Variants in ZNF518A observed in about 807,000 individuals in gnomAD.
The protein encoded by ZNF518A is zinc finger protein 518.
Under a neutral mutation model 102.7 loss-of-function variants are expected in ZNF518A, and 47 were observed. The ratio of observed to expected loss-of-function variants is 0.46; its 90% CI spans 0.36 to 0.58. ZNF518A has a LOEUF of 0.58. ZNF518A is among the 20% of genes least tolerant of loss of function. ZNF518A has a pLI of 0.00. For synonymous variants in ZNF518A, 652 were observed against 594.6 expected (o/e 1.10, Z -1.40); for missense variants, 1,793 against 1,699.8 (o/e 1.05, Z -0.96).
At chr10:96,183,157 C>A (rs587666078) in intron 1 of ZNF518A, among the ~76,000 whole-genome samples, 1 of 152,022 alleles carries the variant, frequency 6.6e-6, no homozygotes, top group Non-Finnish European at 1.5e-5. Context: ...TCTGTGGGAT[C>A]GGTGGTGATA....
intron 1 of ZNF518A, among the ~76,000 whole-genome samples, chr10:96,201,619 GA>G (rs1554896175): frequency 6.6e-6 from 1 of 152,218 alleles, no homozygotes; most frequent in African/African-American, 2.4e-5. Flanking sequence ...ATTATTTTAA[GA>G]GTGTTAAAGT....
chr10:96,149,138 AT>A (rs1471679591), intron 3 of ZNF518A, among the ~76,000 whole-genome samples: 1 of 152,214 alleles, frequency 6.6e-6, no homozygotes, highest in East Asian at 1.9e-4. Flanking sequence ...ACATGTTTTT[AT>A]TATTAGATTC....
intron 3 of ZNF518A, among the ~76,000 whole-genome samples, chr10:96,141,840 A>G (rs1486373674): frequency 6.6e-6 from 1 of 150,866 alleles, no homozygotes; most frequent in Non-Finnish European, 1.5e-5. Flanking sequence ...CCCAGGTTTA[A>G]GGGATCCTCC....
In ZNF518A at chr10:96,157,463, A is replaced by C. The variant is rs587709834; in HGVS notation, c.1141A>C (p.Asn381His). 6.2e-7 allele frequency: 1 copy of C among 1,613,760 alleles called. No homozygotes were observed. Among genetic ancestry groups the C allele is most frequent in the East Asian group, 2.2e-5 (1 of 44,878 alleles). ...AAAGGATGAAAGACTACACTGTGAG[A>C]ATAATGATAAAGCCCCTGAATCAGA... ...EEKDERLHCE[N>H]NDKAPESESE... Residue 381 changes from asparagine to histidine, a missense_variant, in exon 6 of 6, where the codon AAT (asparagine) becomes CAT (histidine). Asn to His is a moderately conservative substitution (Grantham distance 68). This residue lies in a region of ZNF518A where 1,741 missense variants were observed against 1,622.6 expected (regional missense o/e 1.07). Coordinates refer to ENST00000316045, the MANE Select transcript of ZNF518A (RefSeq NM_001330736.2).
intron 1 of ZNF518A, among the ~76,000 whole-genome samples, chr10:96,132,305 A>T (rs2081378685): frequency 1.3e-5 from 2 of 151,458 alleles, no homozygotes; most frequent in South Asian, 4.2e-4. Flanking sequence ...CCGGATCCAG[A>T]TATTATTTCT....
intron 1 of ZNF518A, chr10:96,190,333 C>T: frequency 1.8e-6 from 1 of 563,500 alleles, no homozygotes; most frequent in Admixed American, 2.7e-5. Context: ...TCCTGTGTGT[C>T]TCTTCATATA....
At chr10:96,177,218 A>G (rs1258421910) in intron 1 of ZNF518A, among the ~76,000 whole-genome samples, 1 of 152,242 alleles carries the variant, frequency 6.6e-6, no homozygotes, top group Admixed American at 6.5e-5. Context: ...TATGCAATCC[A>G]GAAGATAGTG....
chr10:96,134,070 T>C (rs1255381462), intron 3 of ZNF518A, among the ~76,000 whole-genome samples: 7 of 152,222 alleles, frequency 4.6e-5, no homozygotes, highest in African/African-American at 1.7e-4. Flanking sequence ...TCTAAAATAC[T>C]CCAAAATCTG....
At chr10:96,131,160 T>C (rs1554871638) in intron 1 of ZNF518A, among the ~76,000 whole-genome samples, 3 of 152,250 alleles carry the variant, frequency 2.0e-5, no homozygotes, top group Non-Finnish European at 4.4e-5. Context: ...TGTTGGAATT[T>C]GTACAGTTGT....
chr10:96,142,305 G>GGT (rs60624825), intron 3 of ZNF518A, among the ~76,000 whole-genome samples: 6,202 of 103,842 alleles, frequency 0.06, 173 homozygotes, highest in Admixed American at 0.1. Flanking sequence ...ATATTCTTAG[G>GGT]GTGTGTGTGT....
At position 96,158,776 on chromosome 10, in the gene ZNF518A, A is replaced by G. The variant is rs61731063; in HGVS notation, c.2454A>G (p.Gln818=). The part of the protein sequence containing the change: ...GLPLHCDQSF[Q]KHEREGKIVE... ...CACTTCATTGTGACCAGTCATTTCA[A>G]AAACACGAGAGAGAAGGCAAAATTG... Residue 818 remains glutamine (Q), a synonymous_variant, in exon 6 of 6, where the codon CAA becomes CAG. Coordinates refer to ENST00000316045, the MANE Select transcript of ZNF518A (RefSeq NM_001330736.2). 1.2e-3 allele frequency: 1,919 copies of G among 1,613,604 alleles called. 5 individuals are homozygous for G. Among genetic ancestry groups the G allele is most frequent in the Non-Finnish European group, 1.1e-3 (1,355 of 1,179,660 alleles).
At chr10:96,185,313 A>C (rs1236052055) in intron 1 of ZNF518A, among the ~76,000 whole-genome samples, 3 of 152,160 alleles carry the variant, frequency 2.0e-5, no homozygotes, top group African/African-American at 7.2e-5. Flanking sequence ...TCAGTTCATC[A>C]AAGTCATTCT....
rs1419458183 is a variant in ZNF518A at position 96,130,375 on chromosome 10, C to T, written c.-830C>T. 7.9e-5 allele frequency among the ~76,000 whole-genome samples: 12 copies of T among 152,254 alleles called. No individual in the cohort carries two copies. Among genetic ancestry groups the T allele is most frequent in the African/African-American group, 2.7e-4 (11 of 41,474 alleles). The stretch of plus-strand genomic sequence containing the variant: ...TGCCGACTGCTAGAGCTTACCCTTA[C>T]TTTCTTAACCTGGGGTTGTTTTACT... On this transcript the variant is annotated 5_prime_UTR_variant, in exon 1 of 6. Coordinates refer to ENST00000316045, the MANE Select transcript of ZNF518A (RefSeq NM_001330736.2).
chr10:96,172,554 G>A (rs1554890989), intron 1 of ZNF518A, among the ~76,000 whole-genome samples: 1 of 151,986 alleles, frequency 6.6e-6, no homozygotes, highest in African/African-American at 2.4e-5. Flanking sequence ...ACAATAAGGT[G>A]GGGGAGGGAA....
At chr10:96,144,503 T>G (rs1564751102) in intron 3 of ZNF518A, among the ~76,000 whole-genome samples, 2 of 152,212 alleles carry the variant, frequency 1.3e-5, no homozygotes. Context: ...GTGAGGTTTT[T>G]GTGAGTAAAC....
intron 3 of ZNF518A, among the ~76,000 whole-genome samples, chr10:96,144,544 T>C (rs2082083091): frequency 6.6e-6 from 1 of 152,126 alleles, no homozygotes; most frequent in African/African-American, 2.4e-5. Context: ...AAAATATAAA[T>C]TACCAAAGTG....
At chr10:96,186,513 T>C (rs1393583009) in intron 1 of ZNF518A, among the ~76,000 whole-genome samples, 1 of 152,146 alleles carries the variant, frequency 6.6e-6, no homozygotes, top group Non-Finnish European at 1.5e-5. Context: ...TTCTTCTGCC[T>C]CAGCCTCCTG....
chr10:96,181,698 T>G (rs1228130977), intron 1 of ZNF518A, among the ~76,000 whole-genome samples: 4 of 152,236 alleles, frequency 2.6e-5, no homozygotes, highest in African/African-American at 9.6e-5. Flanking sequence ...TCCATTGGTC[T>G]ATCTGTTTTG....
chr10:96,132,458 T>C (rs1211536888), intron 1 of ZNF518A, 128 bp from the exon 2 acceptor site: 1 of 151,490 alleles, frequency 6.6e-6, no homozygotes, highest in Non-Finnish European at 1.5e-5. Flanking sequence ...TATGCTTAAG[T>C]GTATAGAAGT....
Sources: gnomAD v4.1 joint callset for allele counts (sites outside exome capture counted in the v4.1 genomes callset) on GRCh38, gnomAD v4.1.1 for gene constraint, gnomAD v4.1.1 regional missense constraint, MANE v1.5 for transcripts, NCBI Gene and HGNC (gene_info 2026-07-23, HGNC 2026-07-21) for gene names.